Variants in ADAM22 observed in about 807,000 individuals in gnomAD.
ADAM22 encodes the protein ADAM metallopeptidase domain 22.
A neutral mutation model predicts 144.6 loss-of-function variants in ADAM22; 65 were observed. The observed-to-expected ratio is 0.45, with a 90% confidence interval of 0.37 to 0.55. ADAM22 has a LOEUF of 0.55. ADAM22 is among the 20% of genes least tolerant of loss of function. The pLI is 0.00. For missense variants in ADAM22, 974 were observed against 1,184.9 expected, an observed-to-expected ratio of 0.82 and a Z score of 2.61; for synonymous variants, 391 against 412.6, an observed-to-expected ratio of 0.95 and a Z score of 0.63.
chr7:88,182,045 GA>G, intron 29 of ADAM22, 21 bp downstream of exon 29: 6 of 1,605,180 alleles, frequency 3.7e-6, no homozygotes, highest in Admixed American at 3.4e-5. Context: ...ACCTCTAATG[GA>G]AAAAGGCACT....
chr7:88,015,579 G>A (rs1459484665), intron 3 of ADAM22, among the ~76,000 whole-genome samples: 1 of 152,180 alleles, frequency 6.6e-6, no homozygotes, highest in Non-Finnish European at 1.5e-5. Flanking sequence ...ACTGGAGGAG[G>A]AGATGGAAAC....
At chr7:87,977,459 T>C (rs1178960839) in intron 2 of ADAM22, among the ~76,000 whole-genome samples, 2 of 152,204 alleles carry the variant, frequency 1.3e-5, no homozygotes, top group Non-Finnish European at 2.9e-5. Context: ...CGTTTCTCAT[T>C]TTAGTGATTA....
chr7:88,096,184 A>G (rs1437007149), intron 4 of ADAM22, among the ~76,000 whole-genome samples: 1 of 151,930 alleles, frequency 6.6e-6, no homozygotes, highest in East Asian at 1.9e-4. Flanking sequence ...CAGCGTCCCA[A>G]AGTGCTGGGA....
At chr7:87,950,536 C>A (rs888240147) in intron 2 of ADAM22, among the ~76,000 whole-genome samples, 2 of 149,592 alleles carry the variant, frequency 1.3e-5, no homozygotes, top group African/African-American at 5.0e-5. Flanking sequence ...TCCAGTCTAT[C>A]ATTGTTGGAC....
intron 3 of ADAM22, among the ~76,000 whole-genome samples, chr7:88,061,350 G>A (rs1809799981): frequency 6.6e-6 from 1 of 152,048 alleles, no homozygotes; most frequent in Non-Finnish European, 1.5e-5. Context: ...CATCTAGATG[G>A]GGCGAAGGTT....
At chr7:88,010,405 G>C (rs1225070504) in intron 3 of ADAM22, among the ~76,000 whole-genome samples, 1 of 152,196 alleles carries the variant, frequency 6.6e-6, no homozygotes, top group Non-Finnish European at 1.5e-5. Flanking sequence ...AGGTAAGCAG[G>C]TTGGAAGTAG....
chr7:88,113,881 G>C (rs1377786515), intron 5 of ADAM22, among the ~76,000 whole-genome samples: 1 of 150,944 alleles, frequency 6.6e-6, no homozygotes, highest in Non-Finnish European at 1.5e-5. Flanking sequence ...CATGAATGGA[G>C]GTAGGTAGCA....
In ADAM22 at chr7:88,197,962, T is replaced by C. The variant is rs1217068646; in HGVS notation, c.*1471T>C. 6.6e-6 allele frequency: 1 copy of C among 152,216 alleles called. No homozygotes were observed. Among genetic ancestry groups the C allele is most frequent in the African/African-American group, 2.4e-5 (1 of 41,464 alleles). The allele number at this position is 152,216 out of a possible 1,614,324, so 9.4% of individuals were successfully genotyped here. A position where few individuals can be genotyped will look rare whatever the true frequency, so the allele number is the denominator to read the frequency against. ...GATTCTATTTTAAAAGACCCTTCTT[T>C]AAAACCAAAGTTTGATAGCTGTTAT... On this transcript the variant is annotated 3_prime_UTR_variant, in exon 32 of 32. Transcript: ENST00000413139.
intron 3 of ADAM22, among the ~76,000 whole-genome samples, chr7:88,065,506 TTAATG>T (rs1399229433): frequency 3.9e-5 from 6 of 152,024 alleles, no homozygotes; most frequent in African/African-American, 1.4e-4. Context: ...ATCAGTAAAA[TTAATG>T]TAATAGTAAT....
At chr7:88,021,641 T>TA (rs1797853657) in intron 3 of ADAM22, among the ~76,000 whole-genome samples, 1 of 152,218 alleles carries the variant, frequency 6.6e-6, no homozygotes, top group Admixed American at 6.5e-5. Context: ...TCAATGGACT[T>TA]TTCAGTGGTT....
intron 3 of ADAM22, among the ~76,000 whole-genome samples, chr7:88,074,914 G>C (rs1813825126): frequency 6.6e-6 from 1 of 152,104 alleles, no homozygotes. Flanking sequence ...AGCAACACTA[G>C]AAATTTATAG....
intron 18 of ADAM22, among the ~76,000 whole-genome samples, chr7:88,150,163 C>T (rs1262072617): frequency 1.3e-5 from 2 of 152,176 alleles, no homozygotes; most frequent in Non-Finnish European, 2.9e-5. Context: ...TCTAGAGGCT[C>T]TTGAACAGCA....
chr7:88,109,091 C>T (rs1825315446), intron 5 of ADAM22, among the ~76,000 whole-genome samples: 1 of 152,076 alleles, frequency 6.6e-6, no homozygotes, highest in Admixed American at 6.6e-5. Flanking sequence ...AATGGAAACG[C>T]CTGACTCCTT....
intron 4 of ADAM22, among the ~76,000 whole-genome samples, chr7:88,096,396 CTTCTT>C (rs1255382270): frequency 6.6e-6 from 1 of 151,576 alleles, no homozygotes; most frequent in Non-Finnish European, 1.5e-5. Context: ...AATTACCAAT[CTTCTT>C]TTCTATATGC....
chr7:88,155,740 A>G, intron 21 of ADAM22, 147 bp from the exon 22 acceptor site: 1 of 874,878 alleles, frequency 1.1e-6, no homozygotes, highest in Non-Finnish European at 1.7e-6. Flanking sequence ...GTGGCACACT[A>G]ATTTGGACTT....
At chr7:88,078,572 C>A (rs1815404586) in intron 4 of ADAM22, among the ~76,000 whole-genome samples, 1 of 152,022 alleles carries the variant, frequency 6.6e-6, no homozygotes, top group African/African-American at 2.4e-5. Context: ...AAGTTTGAAC[C>A]AATGGCAAAG....
chr7:88,181,505 G>A lies in ADAM22; in HGVS notation c.2496G>A (p.Arg832=), dbSNP rs779331367. 1 of 1,612,568 alleles carries A rather than the reference G, an allele frequency of 6.2e-7. No homozygotes were observed. Among genetic ancestry groups the A allele is most frequent in the Non-Finnish European group, 8.5e-7 (1 of 1,179,208 alleles). Residue 832 remains arginine (R), a splice_region_variant and synonymous_variant, in exon 28 of 32, where the codon AGG becomes AGA. Coordinates refer to ENST00000413139, the MANE Select transcript of ADAM22 (RefSeq NM_001324418.2). Reference sequence around the variant, plus strand: ...AATTTATCAATATTTTCAATTTCAGGTCAAATGGGCTCTCTCATTCTTGGA... The same window carrying A: ...AATTTATCAATATTTTCAATTTCAGATCAAATGGGCTCTCTCATTCTTGGA... The part of the protein sequence containing the change: ...ISQNISLFCS[R]SNGLSHSWSE...
chr7:88,181,932 A>T, intron 28 of ADAM22, 26 bp from the exon 29 acceptor site: 1 of 1,604,392 alleles, frequency 6.2e-7, no homozygotes. Context: ...TTACATGGAA[A>T]TCTAGCTCTA....
intron 3 of ADAM22, among the ~76,000 whole-genome samples, chr7:88,035,540 C>T (rs1801321501): frequency 6.6e-6 from 1 of 152,230 alleles, no homozygotes; most frequent in South Asian, 2.1e-4. Context: ...TTCATAGATT[C>T]AACCAACCGT....
Sources: allele counts gnomAD v4.1 joint callset (sites outside exome capture counted in the v4.1 genomes callset), GRCh38; gene constraint gnomAD v4.1.1; transcripts MANE v1.5; gene names NCBI Gene and HGNC (gene_info 2026-07-23, HGNC 2026-07-21).